Variants in DCLK2 observed in about 807,000 individuals in gnomAD.
The protein encoded by DCLK2 is doublecortin like kinase 2.
In DCLK2, 31 loss-of-function variants were observed where a neutral mutation model predicts 78.4. The observed-to-expected ratio is 0.40, with a 90% CI of 0.30 to 0.53. DCLK2 has a LOEUF of 0.53. Among genes scored for constraint, DCLK2 ranks in the 20% least tolerant of loss-of-function variants. The pLI is 0.61. For synonymous variants in DCLK2, 407 were observed against 374.9 expected (o/e 1.09, Z -0.99); for missense variants, 872 against 973.7 (o/e 0.90, Z 1.39).
intron 2 of DCLK2, among the ~76,000 whole-genome samples, chr4:150,103,665 T>G (rs1731036371): frequency 6.6e-6 from 1 of 152,228 alleles, no homozygotes; most frequent in African/African-American, 2.4e-5. Flanking sequence ...TGTTCTGCTC[T>G]TGAAGTGCTG....
chr4:150,102,381 A>T, intron 1 of DCLK2, 97 bp from the exon 2 acceptor site: 1 of 1,151,486 alleles, frequency 8.7e-7, no homozygotes, highest in South Asian at 1.5e-5. Context: ...CACTAAGGTT[A>T]AGGGTTCACT....
At chr4:150,215,630 C>G (rs1295347305) in intron 5 of DCLK2, among the ~76,000 whole-genome samples, 1 of 152,228 alleles carries the variant, frequency 6.6e-6, no homozygotes, top group Non-Finnish European at 1.5e-5. Context: ...CCAGAAACGT[C>G]CACATACTCA....
At chr4:150,194,022 GACACAC>G (rs58179559) in intron 3 of DCLK2, among the ~76,000 whole-genome samples, 41,221 of 133,240 alleles carry the variant, frequency 0.31, 6,873 homozygotes, top group Middle Eastern at 0.4. Context: ...AAAGTGCTGG[GACACAC>G]ACACACACAC....
chr4:150,079,372 C>A lies in DCLK2; in HGVS notation c.345C>A (p.Asn115Lys), dbSNP rs777641002. 6 of 1,589,570 alleles carry A rather than the reference C, an allele frequency of 3.8e-6. No individual in the cohort carries two copies. The South Asian group carries it at 6.9e-5, about 18-fold the overall frequency. Residue 115 changes from asparagine (N) to lysine (K), a missense_variant, in exon 1 of 16, where the codon AAC becomes AAA. Transcript: ENST00000296550. ...ELTRSLSDNVNLPQGVRTIYT... is the reference protein window; with the variant it reads ...ELTRSLSDNVKLPQGVRTIYT... ...CCCGCTCCCTGTCGGACAACGTGAA[C>A]CTGCCCCAGGGTGTCCGCACTATCT...
rs145185162 is a variant in DCLK2 at position 150,142,689 on chromosome 4, C to T, written c.756+39877C>T. On this transcript the variant is annotated intron_variant, in intron 2 of 15. Transcript: ENST00000296550. ...CTATCTGATTCGATACCCTTGGATCCGAGACTCTGTTTAACAAACACGAGA... is the reference window on the plus strand; with the variant it reads ...CTATCTGATTCGATACCCTTGGATCTGAGACTCTGTTTAACAAACACGAGA... 2.4e-3 allele frequency among the ~76,000 whole-genome samples: 369 copies of T among 152,150 alleles called. 2 individuals are homozygous for T. The highest frequency in any genetic ancestry group is 8.4e-3 in the African/African-American group (347 of 41,510).
At chr4:150,196,951 C>T (rs951873825) in intron 3 of DCLK2, among the ~76,000 whole-genome samples, 1 of 152,008 alleles carries the variant, frequency 6.6e-6, no homozygotes, top group African/African-American at 2.4e-5. Context: ...ATGAGAAGTT[C>T]GAGACCAGCC....
intron 2 of DCLK2, among the ~76,000 whole-genome samples, chr4:150,143,686 C>T (rs1250166944): frequency 1.3e-5 from 2 of 152,070 alleles, no homozygotes; most frequent in East Asian, 3.8e-4. Flanking sequence ...GTGTATAAGC[C>T]TTCCCTTTTC....
chr4:150,192,799 A>G (rs1738562658), intron 2 of DCLK2, among the ~76,000 whole-genome samples: 1 of 152,196 alleles, frequency 6.6e-6, no homozygotes, highest in Non-Finnish European at 1.5e-5. Flanking sequence ...AAAGAATACT[A>G]AACTGAGAGC....
At position 150,175,509 on chromosome 4, in the gene DCLK2, C is replaced by T. The variant is rs9884665; in HGVS notation, c.757-17629C>T. The T allele has an allele frequency of 2.0e-5, 3 of 151,672 alleles. No individual in the cohort carries two copies. In the East Asian group the frequency reaches 5.8e-4, roughly 29 times the overall value. 9.4% of individuals were successfully genotyped at this position (151,672 alleles called of 1,614,324 possible). On this transcript the variant is annotated intron_variant, in intron 2 of 15. Coordinates refer to ENST00000296550, the MANE Select transcript of DCLK2 (RefSeq NM_001040260.4). ...CCATGGGTCGGAGAATTGGGACTCA[C>T]GACAGACTAAGGCAGAACACGTGAG...
intron 2 of DCLK2, among the ~76,000 whole-genome samples, chr4:150,163,959 TAG>T (rs761890315): frequency 2.6e-5 from 4 of 152,232 alleles, no homozygotes; most frequent in Non-Finnish European, 5.9e-5. Flanking sequence ...TTTTGTTTTG[TAG>T]AGCTGTGATC....
chr4:150,224,704 G>A (rs562404582), intron 8 of DCLK2, 146 bp downstream of exon 8: 60 of 547,942 alleles, frequency 1.1e-4, no homozygotes, highest in African/African-American at 7.7e-4. Context: ...CAGTTAAGCG[G>A]TTTTATTCCT....
At chr4:150,238,872 C>G (rs951915312) in intron 10 of DCLK2, among the ~76,000 whole-genome samples, 2 of 152,142 alleles carry the variant, frequency 1.3e-5, no homozygotes, top group Admixed American at 6.5e-5. Context: ...CATTTTCTTT[C>G]TAAACTTCCA....
chr4:150,129,467 TC>T (rs754789411), intron 2 of DCLK2, among the ~76,000 whole-genome samples: 56 of 152,098 alleles, frequency 3.7e-4, no homozygotes, highest in Non-Finnish European at 5.9e-4. Flanking sequence ...ATGCCTGTAA[TC>T]CCAGCACTTT....
At chr4:150,082,730 T>C (rs1365986816) in intron 1 of DCLK2, among the ~76,000 whole-genome samples, 1 of 152,230 alleles carries the variant, frequency 6.6e-6, no homozygotes, top group African/African-American at 2.4e-5. Context: ...CTGAGCTCAG[T>C]ATCTGTAATA....
intron 2 of DCLK2, among the ~76,000 whole-genome samples, chr4:150,176,089 G>C (rs184200156): frequency 2.6e-5 from 4 of 152,158 alleles, no homozygotes; most frequent in Non-Finnish European, 5.9e-5. Context: ...ACTAATGTTC[G>C]AATCCTTGCT....
intron 5 of DCLK2, among the ~76,000 whole-genome samples, chr4:150,211,723 C>T (rs1740336722): frequency 6.6e-6 from 1 of 152,098 alleles, no homozygotes. Flanking sequence ...TTTTCCTTCT[C>T]TTCAAATCCT....
intron 2 of DCLK2, among the ~76,000 whole-genome samples, chr4:150,103,218 T>G (rs1731009198): frequency 6.6e-6 from 1 of 152,198 alleles, no homozygotes; most frequent in African/African-American, 2.4e-5. Context: ...TATTTAACAT[T>G]CTTAGAAAAA....
chr4:150,143,014 T>C (rs1007723540), intron 2 of DCLK2, among the ~76,000 whole-genome samples: 6 of 152,152 alleles, frequency 3.9e-5, no homozygotes, highest in African/African-American at 1.2e-4. Context: ...CTCCCACTTA[T>C]AAGTGAGAAT....
intron 10 of DCLK2, 61 bp from the exon 11 acceptor site, chr4:150,239,681 G>A (rs1742762589): frequency 1.3e-6 from 2 of 1,587,822 alleles, no homozygotes; most frequent in South Asian, 1.1e-5. Flanking sequence ...AATTCCAAGA[G>A]CCCTCTCACA....
Sources: gnomAD v4.1 joint callset for allele counts (sites outside exome capture counted in the v4.1 genomes callset) on GRCh38, gnomAD v4.1.1 for gene constraint, MANE v1.5 for transcripts, NCBI Gene and HGNC (gene_info 2026-07-23, HGNC 2026-07-21) for gene names.